Variants in PAN3 observed in about 807,000 individuals in gnomAD.
PAN3 encodes the protein poly(A) specific ribonuclease subunit PAN3, also known as PAN2-PAN3 deadenylation complex subunit PAN3.
Under a neutral mutation model 96.2 loss-of-function variants are expected in PAN3, and 19 were observed. That is an observed-to-expected ratio of 0.20 (90% confidence interval 0.14 to 0.29). The LOEUF is 0.29. Among genes scored for constraint, PAN3 ranks in the 10% least tolerant of loss-of-function variants. PAN3 has a pLI of 1.00. For missense variants in PAN3, 882 were observed against 1,108.1 expected, an observed-to-expected ratio of 0.80 and a Z score of 2.90; for synonymous variants, 433 against 406.6, an observed-to-expected ratio of 1.06 and a Z score of -0.78.
chr13:28,208,827 T>TA (rs1288499056), intron 5 of PAN3, among the ~76,000 whole-genome samples: 2 of 152,212 alleles, frequency 1.3e-5, no homozygotes, highest in Non-Finnish European at 2.9e-5. Flanking sequence ...TGTGAATTCT[T>TA]ACGATAATTC....
chr13:28,199,829 C>T (rs1409283062), intron 5 of PAN3, among the ~76,000 whole-genome samples: 1 of 152,112 alleles, frequency 6.6e-6, no homozygotes, highest in South Asian at 2.1e-4. Context: ...GGAGCATATT[C>T]ATCTTTCCTG....
intron 4 of PAN3, among the ~76,000 whole-genome samples, chr13:28,188,492 G>T (rs1486871650): frequency 6.6e-6 from 1 of 152,120 alleles, no homozygotes; most frequent in African/African-American, 2.4e-5. Context: ...TGCCAGCTAT[G>T]TGGGAGACTG....
intron 6 of PAN3, among the ~76,000 whole-genome samples, chr13:28,246,737 A>G (rs1248796372): frequency 1.3e-5 from 2 of 152,078 alleles, no homozygotes; most frequent in African/African-American, 4.8e-5. Flanking sequence ...ACCATCTTGT[A>G]TTGCTGAAAA....
chr13:28,223,259 T>G (rs917935953), intron 6 of PAN3, among the ~76,000 whole-genome samples: 6 of 152,256 alleles, frequency 3.9e-5, no homozygotes, highest in African/African-American at 1.4e-4. Flanking sequence ...TTAAAATTTG[T>G]GACATGTATT....
At chr13:28,219,516 T>C (rs1038300375) in intron 5 of PAN3, among the ~76,000 whole-genome samples, 3 of 152,200 alleles carry the variant, frequency 2.0e-5, no homozygotes, top group Admixed American at 6.5e-5. Flanking sequence ...ATGAATCTTA[T>C]GTATAGTCTC....
chr13:28,219,362 G>C (rs1403342625), intron 5 of PAN3, among the ~76,000 whole-genome samples: 1 of 151,542 alleles, frequency 6.6e-6, no homozygotes, highest in African/African-American at 2.4e-5. Flanking sequence ...TACTCGTTTT[G>C]GAGTTTACAT....
At chr13:28,162,681 T>C (rs979221375) in intron 1 of PAN3, among the ~76,000 whole-genome samples, 7 of 150,988 alleles carry the variant, frequency 4.6e-5, no homozygotes, top group Non-Finnish European at 8.8e-5. Flanking sequence ...AAATAAAAGT[T>C]TGTACAAATG....
intron 1 of PAN3, among the ~76,000 whole-genome samples, chr13:28,173,233 T>G (rs1874530777): frequency 6.6e-6 from 1 of 152,188 alleles, no homozygotes; most frequent in Admixed American, 6.5e-5. Flanking sequence ...TTTTAATACC[T>G]CTCTGGGCCT....
intron 14 of PAN3, among the ~76,000 whole-genome samples, chr13:28,276,073 C>T (rs185774331): frequency 1.4e-4 from 22 of 152,172 alleles, no homozygotes; most frequent in African/African-American, 5.1e-4. Context: ...TCCAACAAAC[C>T]AGTGGTTCTC....
chr13:28,181,382 C>T (rs932319532), intron 4 of PAN3, among the ~76,000 whole-genome samples: 11 of 151,552 alleles, frequency 7.3e-5, no homozygotes, highest in East Asian at 1.9e-4. Flanking sequence ...TGGTGGTGAA[C>T]GCCTGTAGTC....
intron 17 of PAN3, among the ~76,000 whole-genome samples, chr13:28,282,882 T>G (rs534891812): frequency 1.3e-5 from 2 of 151,990 alleles, no homozygotes; most frequent in East Asian, 1.9e-4. Flanking sequence ...CTTGGTTTGT[T>G]TATTTATTTA....
intron 6 of PAN3, among the ~76,000 whole-genome samples, chr13:28,240,918 C>A (rs1015939738): frequency 3.9e-5 from 6 of 152,168 alleles, no homozygotes; most frequent in Non-Finnish European, 7.3e-5. Flanking sequence ...ATACATATGC[C>A]TATGTCTTGT....
chr13:28,223,901 GAC>G (rs1881704047), intron 6 of PAN3, among the ~76,000 whole-genome samples: 1 of 80,972 alleles, frequency 1.2e-5, no homozygotes, highest in Non-Finnish European at 2.1e-5. Context: ...TTTTTTTTGA[GAC>G]AGAGTCTCTC....
chr13:28,141,426 C>G (rs1258054746), intron 1 of PAN3, among the ~76,000 whole-genome samples: 1 of 147,074 alleles, frequency 6.8e-6, no homozygotes, highest in African/African-American at 2.5e-5. Context: ...ACAGACAGCT[C>G]TGACGATCAT....
intron 2 of PAN3, 126 bp downstream of exon 2, chr13:28,174,519 T>C: frequency 9.1e-7 from 1 of 1,094,976 alleles, no homozygotes; most frequent in Non-Finnish European, 1.3e-6. Flanking sequence ...GTGAGATGGG[T>C]GAGATGTAGG....
chr13:28,290,208 T>C (rs1440348476), intron 18 of PAN3, among the ~76,000 whole-genome samples: 4 of 152,226 alleles, frequency 2.6e-5, no homozygotes, highest in African/African-American at 9.6e-5. Flanking sequence ...GGTCTAAACT[T>C]TCCTAAATTA....
In PAN3 at chr13:28,267,347, A is replaced by G. The variant is rs1425042772; in HGVS notation, c.1738A>G (p.Ser580Gly). 3 of 1,613,774 alleles carry G rather than the reference A, an allele frequency of 1.9e-6. No individual in the cohort carries two copies. Among genetic ancestry groups the G allele is most frequent in the African/African-American group, 1.3e-5 (1 of 74,920 alleles). Residue 580 changes from serine to glycine, a missense_variant, in exon 12 of 19, where the codon AGC becomes GGC. Ser to Gly is a moderately conservative substitution (Grantham distance 56). Around this residue, in one of 3 missense-constraint regions of PAN3, gnomAD observed 364 missense variants for 513.6 expected, o/e 0.71. Coordinates refer to ENST00000380958, the MANE Select transcript of PAN3 (RefSeq NM_175854.8). Reference protein sequence around the residue: ...DFHAGGETMMSRHFNDPNADA... With the variant: ...DFHAGGETMMGRHFNDPNADA... ...CCATGCTGGAGGAGAAACTATGATG[A>G]GCAGACACTTTAATGACCCTAATGC...
intron 18 of PAN3, among the ~76,000 whole-genome samples, chr13:28,289,973 T>C (rs1458195396): frequency 2.6e-5 from 4 of 152,236 alleles, no homozygotes; most frequent in Admixed American, 2.6e-4. Flanking sequence ...CATTATGAAG[T>C]TTAGAACTGG....
intron 4 of PAN3, among the ~76,000 whole-genome samples, chr13:28,193,028 G>C (rs948068179): frequency 6.6e-6 from 1 of 152,152 alleles, no homozygotes; most frequent in African/African-American, 2.4e-5. Context: ...CACATTGGAA[G>C]AATTGTCTTG....
Sources: gnomAD v4.1 joint callset for allele counts (sites outside exome capture counted in the v4.1 genomes callset) on GRCh38, gnomAD v4.1.1 for gene constraint, gnomAD v4.1.1 regional missense constraint, MANE v1.5 for transcripts, NCBI Gene and HGNC (gene_info 2026-07-23, HGNC 2026-07-21) for gene names.